The following PAK5 variants were observed in gnomAD, a reference collection of about 807,000 sequenced individuals.
PAK5 encodes the protein serine/threonine-protein kinase PAK 5.
Under a neutral mutation model 65.9 loss-of-function variants are expected in PAK5, and 16 were observed. The observed-to-expected ratio is 0.24, with a 90% CI of 0.16 to 0.37. The LOEUF is 0.37. Ranked by LOEUF, PAK5 falls within the 10% of genes least tolerant of loss-of-function variation. PAK5 has a pLI of 1.00. For missense variants in PAK5, 785 were observed against 903.9 expected, an observed-to-expected ratio of 0.87 and a Z score of 1.69; for synonymous variants, 371 against 354.9, an observed-to-expected ratio of 1.05 and a Z score of -0.51.
intron 3 of PAK5, among the ~76,000 whole-genome samples, chr20:9,593,152 A>T (rs971997646): frequency 1.3e-5 from 2 of 151,930 alleles, no homozygotes; most frequent in Non-Finnish European, 2.9e-5. Flanking sequence ...AAAGAAAAAA[A>T]AAATAGCTGG....
intron 1 of PAK5, among the ~76,000 whole-genome samples, chr20:9,826,218 A>G (rs2049482328): frequency 7.2e-6 from 1 of 138,256 alleles, no homozygotes. Flanking sequence ...TTTCTGGGAA[A>G]TTTCACACTG....
chr20:9,647,613 T>A (rs1314659487), intron 2 of PAK5, among the ~76,000 whole-genome samples: 1 of 152,192 alleles, frequency 6.6e-6, no homozygotes, highest in East Asian at 1.9e-4. Flanking sequence ...CTGTTTCTGT[T>A]TTTAAATAAG....
chr20:9,549,133 A>T (rs2045389272), intron 7 of PAK5, among the ~76,000 whole-genome samples: 1 of 152,150 alleles, frequency 6.6e-6, no homozygotes, highest in South Asian at 2.1e-4. Flanking sequence ...AAAATCCTAC[A>T]GTCCACCCCT....
chr20:9,539,914 T>TTGTACTAA (rs1263480091), intron 9 of PAK5, among the ~76,000 whole-genome samples: 1 of 152,214 alleles, frequency 6.6e-6, no homozygotes, highest in East Asian at 1.9e-4. Context: ...ACAAAATATT[T>TTGTACTAA]AGTATGTGCA....
chr20:9,836,705 C>T (rs1380860761), intron 1 of PAK5, among the ~76,000 whole-genome samples: 2 of 152,144 alleles, frequency 1.3e-5, no homozygotes, highest in Non-Finnish European at 2.9e-5. Flanking sequence ...AGGGAATTAA[C>T]ATGTTTGAGC....
At chr20:9,553,029 C>G (rs1042326983) in intron 7 of PAK5, among the ~76,000 whole-genome samples, 1 of 152,102 alleles carries the variant, frequency 6.6e-6, no homozygotes, top group Non-Finnish European at 1.5e-5. Context: ...GCCCTGCCAA[C>G]TTTTTAATTT....
chr20:9,752,674 A>C (rs1384629934), intron 1 of PAK5, among the ~76,000 whole-genome samples: 1 of 152,160 alleles, frequency 6.6e-6, no homozygotes, highest in Non-Finnish European at 1.5e-5. Flanking sequence ...AAGGAAATTG[A>C]ATGATAAAAT....
At chr20:9,708,774 C>T (rs983872631) in intron 2 of PAK5, among the ~76,000 whole-genome samples, 6 of 152,104 alleles carry the variant, frequency 3.9e-5, no homozygotes, top group Admixed American at 2.6e-4. Context: ...AGCCCTTAGT[C>T]GAGACATATG....
At chr20:9,801,731 T>C (rs1285118078) in intron 1 of PAK5, among the ~76,000 whole-genome samples, 2 of 152,058 alleles carry the variant, frequency 1.3e-5, no homozygotes, top group African/African-American at 4.8e-5. Flanking sequence ...ATTCAACATT[T>C]CAGTATATAA....
At chr20:9,654,993 T>G (rs2047248426) in intron 2 of PAK5, among the ~76,000 whole-genome samples, 1 of 152,202 alleles carries the variant, frequency 6.6e-6, no homozygotes, top group African/African-American at 2.4e-5. Context: ...ATTACAGACA[T>G]GCATGAACAC....
intron 2 of PAK5, among the ~76,000 whole-genome samples, chr20:9,697,220 T>A (rs1306486399): frequency 1.3e-5 from 2 of 152,092 alleles, no homozygotes; most frequent in Non-Finnish European, 2.9e-5. Context: ...AGATGTTTAG[T>A]TCACTGTTTT....
At chr20:9,753,093 A>G (rs1477185141) in intron 1 of PAK5, among the ~76,000 whole-genome samples, 1 of 152,114 alleles carries the variant, frequency 6.6e-6, no homozygotes, top group Non-Finnish European at 1.5e-5. Flanking sequence ...GACCTCACAC[A>G]CATGAGCCAA....
At position 9,590,095 on chromosome 20, in the gene PAK5, C is replaced by G. The variant is rs115291728; in HGVS notation, c.205-9165G>C. 6.3e-3 allele frequency among the ~76,000 whole-genome samples: 961 copies of G among 151,630 alleles called. 14 individuals carry two copies. The highest frequency in any genetic ancestry group is 0.022 in the African/African-American group (913 of 41,336). On this transcript the variant is annotated intron_variant, in intron 3 of 9. Coordinates refer to ENST00000353224, the MANE Select transcript of PAK5 (RefSeq NM_177990.4). ...TTCAAACTCCTGGGCTCAAGTTATT[C>G]TGGGTAGCTAGGAATACAGGCATGT...
At chr20:9,633,893 G>C (rs1475370074) in intron 3 of PAK5, among the ~76,000 whole-genome samples, 2 of 152,182 alleles carry the variant, frequency 1.3e-5, no homozygotes, top group Non-Finnish European at 2.9e-5. Flanking sequence ...ACCTATAACT[G>C]ACAATTGCTT....
At chr20:9,540,795 G>A (rs2045249460) in intron 9 of PAK5, among the ~76,000 whole-genome samples, 1 of 150,800 alleles carries the variant, frequency 6.6e-6, no homozygotes, top group Non-Finnish European at 1.5e-5. Flanking sequence ...GGAGTGCAGT[G>A]GTGCGATCTG....
At chr20:9,644,717 A>G (rs1365637498) in intron 2 of PAK5, among the ~76,000 whole-genome samples, 2 of 152,152 alleles carry the variant, frequency 1.3e-5, no homozygotes, top group Admixed American at 1.3e-4. Flanking sequence ...TCTCAGGGAG[A>G]TGACACTTCC....
intron 1 of PAK5, among the ~76,000 whole-genome samples, chr20:9,812,713 T>C (rs1002581280): frequency 2.6e-5 from 4 of 152,122 alleles, no homozygotes; most frequent in African/African-American, 9.7e-5. Flanking sequence ...ATAAACAAAT[T>C]AGATAGTTAG....
intron 1 of PAK5, among the ~76,000 whole-genome samples, chr20:9,771,883 C>T (rs987087475): frequency 1.3e-5 from 2 of 151,936 alleles, no homozygotes; most frequent in African/African-American, 2.4e-5. Flanking sequence ...ACAAAAAATA[C>T]AAAAATTAGC....
chr20:9,673,344 T>C (rs932209403), intron 2 of PAK5, among the ~76,000 whole-genome samples: 1 of 152,204 alleles, frequency 6.6e-6, no homozygotes, highest in Non-Finnish European at 1.5e-5. Flanking sequence ...TACTTTTAAA[T>C]AGGTGCATTC....
Sources: gnomAD v4.1 joint callset for allele counts (sites outside exome capture counted in the v4.1 genomes callset) on GRCh38, gnomAD v4.1.1 for gene constraint, MANE v1.5 for transcripts, NCBI Gene and HGNC (gene_info 2026-07-23, HGNC 2026-07-21) for gene names.